Variants in DOCK2 observed in about 807,000 individuals in gnomAD.
DOCK2 encodes dedicator of cytokinesis 2, also known as dedicator of cytokinesis protein 2.
A neutral mutation model predicts 248.9 loss-of-function variants in DOCK2; 87 were observed. The observed-to-expected ratio is 0.35, with a 90% confidence interval of 0.29 to 0.42. DOCK2 has a LOEUF of 0.42. DOCK2 is among the 10% of genes least tolerant of loss of function. DOCK2 has a pLI of 1.00. For synonymous variants in DOCK2, 805 were observed against 821.6 expected (o/e 0.98, Z 0.35); for missense variants, 1,747 against 2,300.2 (o/e 0.76, Z 4.92).
chr5:169,818,846 GA>G (rs1312070488), intron 26 of DOCK2, among the ~76,000 whole-genome samples: 1 of 152,140 alleles, frequency 6.6e-6, no homozygotes, highest in Non-Finnish European at 1.5e-5. Flanking sequence ...TCAGGTGAGT[GA>G]ATATAAATGC....
At chr5:170,048,880 A>G (rs1756811411) in intron 40 of DOCK2, among the ~76,000 whole-genome samples, 1 of 152,236 alleles carries the variant, frequency 6.6e-6, no homozygotes, top group Non-Finnish European at 1.5e-5. Flanking sequence ...GAAATACAAA[A>G]GAAATGGCTA....
intron 22 of DOCK2, among the ~76,000 whole-genome samples, chr5:169,742,108 G>A (rs528566555): frequency 3.9e-5 from 6 of 152,058 alleles, no homozygotes; most frequent in Non-Finnish European, 7.4e-5. Flanking sequence ...GAGCCACTGC[G>A]CCCAGCCCTT....
At chr5:169,702,181 G>C (rs1401481701) in intron 13 of DOCK2, 122 bp from the exon 14 acceptor site, 1 of 1,274,618 alleles carries the variant, frequency 7.8e-7, no homozygotes, top group Non-Finnish European at 1.1e-6. Context: ...AAGCAATTCT[G>C]ATTTTAATTA....
chr5:169,721,218 G>C lies in DOCK2; in HGVS notation c.2267+2427G>C. On this transcript the variant is annotated intron_variant, in intron 22 of 51. Coordinates refer to ENST00000520908, the MANE Select transcript of DOCK2 (RefSeq NM_004946.3). ...GTGACTTTTGGCTTATTCAGGAGCA[G>C]GGTGATCTGTTATTCCTTGCTGTAT... is the stretch of plus-strand genomic sequence containing the variant. Among the ~76,000 whole-genome samples the C allele has an allele frequency of 1.3e-5, 2 of 152,182 alleles. 1 individual carries two copies. The highest frequency in any genetic ancestry group is 2.9e-5 in the Non-Finnish European group (2 of 68,036).
chr5:169,934,575 C>A, intron 27 of DOCK2: 1 of 452,908 alleles, frequency 2.2e-6, no homozygotes, highest in Non-Finnish European at 4.4e-6. Flanking sequence ...GGATCTAAAT[C>A]CTGCTCTTTG....
chr5:169,859,911 C>A (rs148778625), intron 27 of DOCK2, among the ~76,000 whole-genome samples: 98 of 150,286 alleles, frequency 6.5e-4, no homozygotes, highest in Middle Eastern at 3.5e-3. Context: ...GAATCATGGG[C>A]GACTTTATTA....
intron 13 of DOCK2, chr5:169,702,064 A>G: frequency 3.0e-6 from 1 of 336,806 alleles, no homozygotes; most frequent in Non-Finnish European, 5.4e-6. Flanking sequence ...AACATGGCCA[A>G]TTTTGAGTGT....
chr5:169,700,943 G>GAA (rs149293944), intron 13 of DOCK2, among the ~76,000 whole-genome samples: 3 of 150,270 alleles, frequency 2.0e-5, no homozygotes, highest in Non-Finnish European at 3.0e-5. Context: ...AAAAGAAGGA[G>GAA]AGAAAGAAAG....
chr5:169,733,021 G>A (rs1162119769), intron 22 of DOCK2, among the ~76,000 whole-genome samples: 3 of 152,120 alleles, frequency 2.0e-5, no homozygotes, highest in Non-Finnish European at 4.4e-5. Context: ...GTTTAAGGAA[G>A]TCAATAATTA....
chr5:170,008,367 G>A lies in DOCK2; in HGVS notation c.3073-130G>A. 2 of 883,632 alleles carry A rather than the reference G, an allele frequency of 2.3e-6. 1 individual carries two copies. Among genetic ancestry groups the A allele is most frequent in the South Asian group, 3.3e-5 (2 of 61,500 alleles). The allele number at this position is 883,632 out of a possible 1,614,324, so 54.7% of individuals were successfully genotyped here. ...CAGAGTCAGTGCCAGTTAGAAAATTGCAGTGGGCACAATTAAACTGGTTCG... is the reference window on the plus strand; with the variant it reads ...CAGAGTCAGTGCCAGTTAGAAAATTACAGTGGGCACAATTAAACTGGTTCG... On this transcript the variant is annotated intron_variant, in intron 30 of 51. Coordinates refer to ENST00000520908, the MANE Select transcript of DOCK2 (RefSeq NM_004946.3).
intron 19 of DOCK2, 135 bp downstream of exon 19, chr5:169,714,592 G>A (rs1761799750): frequency 2.2e-6 from 2 of 895,174 alleles, no homozygotes; most frequent in East Asian, 5.4e-5. Context: ...ACTCTCCCGA[G>A]TTGCCTTGAG....
chr5:169,684,458 C>T lies in DOCK2; in HGVS notation c.761+108C>T, dbSNP rs77255427. 1.9e-3 allele frequency: 2,694 copies of T among 1,394,060 alleles called. 7 individuals are homozygous for T. The highest frequency in any genetic ancestry group is 0.015 in the Middle Eastern group (63 of 4,260). 86.4% of individuals were successfully genotyped at this position (1,394,060 alleles called of 1,614,324 possible). ...GAGCAATCTCCACCTGGAAAAGAGA[C>T]TGCACCTGAGTGAGAATGTGGAAAT... On this transcript the variant is annotated intron_variant, in intron 8 of 51. Transcript: ENST00000520908.
At chr5:170,014,857 T>C (rs796505569) in intron 32 of DOCK2, among the ~76,000 whole-genome samples, 20 of 152,182 alleles carry the variant, frequency 1.3e-4, no homozygotes, top group African/African-American at 4.1e-4. Context: ...AGGAAAGTCA[T>C]AGGGAAAATA....
At chr5:169,892,904 TTCTTC>T (rs1414464321) in intron 27 of DOCK2, among the ~76,000 whole-genome samples, 2 of 152,206 alleles carry the variant, frequency 1.3e-5, no homozygotes, top group South Asian at 4.1e-4. Flanking sequence ...TCTTTTCCCC[TTCTTC>T]TCTTCTGTTT....
chr5:169,921,101 A>C (rs147326840), intron 27 of DOCK2, among the ~76,000 whole-genome samples: 42 of 152,248 alleles, frequency 2.8e-4, no homozygotes, highest in African/African-American at 9.9e-4. Context: ...TTTTGCTTCC[A>C]TAAGGGAAAA....
At chr5:169,726,798 A>G (rs191705004) in intron 22 of DOCK2, among the ~76,000 whole-genome samples, 136 of 152,340 alleles carry the variant, frequency 8.9e-4, no homozygotes, top group African/African-American at 3.1e-3. Flanking sequence ...CAGTGATGCA[A>G]TATCACAGTG....
chr5:169,747,580 C>CT, intron 23 of DOCK2, 76 bp downstream of exon 23: 1 of 1,312,032 alleles, frequency 7.6e-7, no homozygotes, highest in Non-Finnish European at 1.1e-6. Context: ...ATAATATCTT[C>CT]TTTTACTTAA....
At chr5:169,651,407 C>T (rs574662602) in intron 1 of DOCK2, among the ~76,000 whole-genome samples, 5 of 152,186 alleles carry the variant, frequency 3.3e-5, no homozygotes, top group Non-Finnish European at 5.9e-5. Context: ...CTACTGGCAC[C>T]TTCTCACCTG....
chr5:169,647,556 C>T (rs948761130), intron 1 of DOCK2, among the ~76,000 whole-genome samples: 5 of 152,136 alleles, frequency 3.3e-5, no homozygotes, highest in African/African-American at 1.2e-4. Context: ...TTGAACTCGT[C>T]TCCAAACAGT....
Sources: allele counts gnomAD v4.1 joint callset (sites outside exome capture counted in the v4.1 genomes callset), GRCh38; gene constraint gnomAD v4.1.1; transcripts MANE v1.5; gene names NCBI Gene and HGNC (gene_info 2026-07-23, HGNC 2026-07-21).